DNAJC3: variants seen among roughly 807,000 people sequenced by gnomAD.
DNAJC3 encodes the protein DnaJ heat shock protein family (Hsp40) member C3.
A neutral mutation model predicts 68.6 loss-of-function variants in DNAJC3; 38 were observed. The ratio of observed to expected loss-of-function variants is 0.55; its 90% CI spans 0.43 to 0.73. DNAJC3 has a LOEUF of 0.73. Ranked by LOEUF, DNAJC3 falls within the 30% of genes least tolerant of loss-of-function variation. DNAJC3 has a pLI of 0.00. For synonymous variants in DNAJC3, 203 were observed against 204.0 expected (o/e 1.00, Z 0.04); for missense variants, 526 against 591.9 (o/e 0.89, Z 1.16).
intron 4 of DNAJC3, among the ~76,000 whole-genome samples, chr13:95,751,835 T>G (rs1210270574): frequency 6.6e-6 from 1 of 152,024 alleles, no homozygotes; most frequent in Non-Finnish European, 1.5e-5. Flanking sequence ...TGGTGGAAGG[T>G]GAAGGAGGAG....
chr13:95,786,108 A>G, intron 10 of DNAJC3, 37 bp downstream of exon 10: 1 of 1,553,730 alleles, frequency 6.4e-7, no homozygotes, highest in Non-Finnish European at 8.7e-7. Context: ...TGCTATTTTT[A>G]ATCAACTCTG....
intron 11 of DNAJC3, among the ~76,000 whole-genome samples, chr13:95,787,485 A>C (rs1883636631): frequency 6.6e-6 from 1 of 152,144 alleles, no homozygotes; most frequent in Non-Finnish European, 1.5e-5. Flanking sequence ...CTAACCTCAA[A>C]GGTCAATGAT....
chr13:95,692,098 AGAGAGGGAGAGGGAGACTGTGGG>A (rs1566468853), intron 1 of DNAJC3, among the ~76,000 whole-genome samples: 1 of 146,502 alleles, frequency 6.8e-6, no homozygotes, highest in Non-Finnish European at 1.5e-5. Context: ...GACCGTGGAA[AGAGAGGGAGAGGGAGACTGTGGG>A]GAGAGGGAGA....
intron 1 of DNAJC3, among the ~76,000 whole-genome samples, chr13:95,682,728 C>T (rs1879953160): frequency 2.0e-5 from 3 of 152,090 alleles, no homozygotes; most frequent in Admixed American, 2.0e-4. Flanking sequence ...TAAAAATTAC[C>T]TGTGGCTCAA....
At chr13:95,711,680 T>G (rs1880972514) in intron 2 of DNAJC3, among the ~76,000 whole-genome samples, 1 of 152,152 alleles carries the variant, frequency 6.6e-6, no homozygotes, top group Non-Finnish European at 1.5e-5. Context: ...TTTAAATGGG[T>G]ATAAGCCTAA....
chr13:95,725,297 A>G (rs994992798), intron 4 of DNAJC3, 45 bp downstream of exon 4: 8 of 1,437,348 alleles, frequency 5.6e-6, no homozygotes, highest in Non-Finnish European at 7.5e-6. Flanking sequence ...TTATTTTGAG[A>G]GAACGTATTT....
intron 9 of DNAJC3, among the ~76,000 whole-genome samples, chr13:95,765,633 A>G (rs1413202083): frequency 2.1e-5 from 3 of 139,878 alleles, no homozygotes; most frequent in African/African-American, 8.2e-5. Flanking sequence ...GTGCAGTGGC[A>G]CAATCTTGGC....
At chr13:95,711,090 C>T (rs1880941442) in intron 2 of DNAJC3, among the ~76,000 whole-genome samples, 1 of 152,172 alleles carries the variant, frequency 6.6e-6, no homozygotes, top group Non-Finnish European at 1.5e-5. Context: ...TTTGGTTTGT[C>T]ATACTTTTCT....
rs1594037819 is a variant in DNAJC3 at position 95,793,840 on chromosome 13, C to T, written c.*2810C>T. 6.6e-6 allele frequency: 1 copy of T among 152,364 alleles called. No homozygotes were observed. The highest frequency in any genetic ancestry group is 1.5e-5 in the Non-Finnish European group (1 of 68,118). The allele number at this position is 152,364 out of a possible 1,614,324, so 9.4% of individuals were successfully genotyped here. On this transcript the variant is annotated 3_prime_UTR_variant, in exon 12 of 12. Transcript: ENST00000602402. Reference sequence around the variant, plus strand: ...CTAGCCACAGCTGTTGTATTCTGCTCTTCTTTCCTTTTTGGTGAGCTTCAT... The same window carrying T: ...CTAGCCACAGCTGTTGTATTCTGCTTTTCTTTCCTTTTTGGTGAGCTTCAT...
At chr13:95,709,189 G>A (rs776108139) in intron 1 of DNAJC3, 38 bp from the exon 2 acceptor site, 78 of 1,391,536 alleles carry the variant, frequency 5.6e-5, no homozygotes, top group Admixed American at 3.1e-4. Context: ...ATCTTAGTTC[G>A]TGGAAAGTTA....
intron 4 of DNAJC3, among the ~76,000 whole-genome samples, chr13:95,730,988 A>G (rs1252453480): frequency 6.6e-6 from 1 of 152,016 alleles, no homozygotes; most frequent in East Asian, 1.9e-4. Context: ...TTTCATCAGT[A>G]TTTTGTAGTT....
At position 95,790,812 on chromosome 13, in the gene DNAJC3, A is replaced by G. The variant is rs559353736; in HGVS notation, c.1358-61A>G. On this transcript the variant is annotated intron_variant, in intron 11 of 11. Transcript: ENST00000602402. ...CCACCCTCCTCTGCCCAAAGAAAAC[A>G]TTCCCCCTGCCCCTATACCTTAGAT... The G allele has an allele frequency of 1.1e-4, 176 of 1,550,624 alleles. 1 individual carries two copies. The South Asian group carries it at 2.0e-3, about 18-fold the overall frequency.
chr13:95,759,064 C>T (rs1168639123), intron 5 of DNAJC3, among the ~76,000 whole-genome samples: 5 of 152,080 alleles, frequency 3.3e-5, no homozygotes, highest in African/African-American at 9.7e-5. Context: ...TGTGAAAAGT[C>T]GATACGACTT....
intron 1 of DNAJC3, among the ~76,000 whole-genome samples, chr13:95,689,326 G>T (rs1040393107): frequency 6.7e-6 from 1 of 150,300 alleles, no homozygotes; most frequent in East Asian, 1.9e-4. Context: ...GTTAAATCTT[G>T]GGAGGTTGTA....
intron 1 of DNAJC3, chr13:95,695,636 T>C (rs2139611212): frequency 6.6e-6 from 1 of 152,354 alleles, no homozygotes; most frequent in Middle Eastern, 3.4e-3. Flanking sequence ...CAGCATCTAT[T>C]ATGTAATTCT....
chr13:95,707,452 C>T (rs1264643589), intron 1 of DNAJC3, among the ~76,000 whole-genome samples: 1 of 152,172 alleles, frequency 6.6e-6, no homozygotes, highest in Non-Finnish European at 1.5e-5. Context: ...TACAGTCAAC[C>T]AAAGTGATAG....
At chr13:95,709,640 T>TC (rs1880886455) in intron 2 of DNAJC3, among the ~76,000 whole-genome samples, 1 of 147,274 alleles carries the variant, frequency 6.8e-6, no homozygotes, top group East Asian at 2.0e-4. Flanking sequence ...TTTTTTTTTT[T>TC]TTTTTTTTTT....
chr13:95,714,701 A>G (rs757443470), intron 2 of DNAJC3, among the ~76,000 whole-genome samples: 24 of 152,224 alleles, frequency 1.6e-4, no homozygotes, highest in Non-Finnish European at 2.8e-4. Context: ...AACTGTCTTC[A>G]GTGCTTCAGC....
At chr13:95,757,078 G>A (rs1015718621) in intron 4 of DNAJC3, among the ~76,000 whole-genome samples, 2 of 151,546 alleles carry the variant, frequency 1.3e-5, no homozygotes, top group Admixed American at 6.6e-5. Context: ...ATCTCTTAAA[G>A]CCACATCATG....
Sources: allele counts gnomAD v4.1 joint callset (sites outside exome capture counted in the v4.1 genomes callset), GRCh38; gene constraint gnomAD v4.1.1; transcripts MANE v1.5; gene names NCBI Gene and HGNC (gene_info 2026-07-23, HGNC 2026-07-21).